IGF2BP2: variants seen among roughly 807,000 people sequenced by gnomAD.
IGF2BP2 encodes the protein insulin-like growth factor 2 mRNA-binding protein 2.
IGF2BP2 carries 17 observed loss-of-function variants against 75.8 expected under a neutral mutation model. The observed-to-expected ratio is 0.22, with a 90% CI of 0.15 to 0.34. The LOEUF is 0.34. Among genes scored for constraint, IGF2BP2 ranks in the 10% least tolerant of loss-of-function variants. The pLI is 1.00. For synonymous variants in IGF2BP2, 288 were observed against 295.6 expected, an observed-to-expected ratio of 0.97 and a Z score of 0.26; for missense variants, 516 against 772.4, an observed-to-expected ratio of 0.67 and a Z score of 3.93.
chr3:185,704,257 C>T (rs1426486758), intron 2 of IGF2BP2, among the ~76,000 whole-genome samples: 1 of 152,182 alleles, frequency 6.6e-6, no homozygotes, highest in African/African-American at 2.4e-5. Context: ...TCCCCTTTAG[C>T]GCTGCAGTCA....
intron 2 of IGF2BP2, among the ~76,000 whole-genome samples, chr3:185,754,801 A>G (rs1288487961): frequency 1.3e-5 from 2 of 152,210 alleles, no homozygotes; most frequent in Non-Finnish European, 2.9e-5. Flanking sequence ...TGAATTTAAG[A>G]GTGATGACAC....
intron 3 of IGF2BP2, 101 bp downstream of exon 3, chr3:185,698,198 C>T (rs952025403): frequency 1.1e-5 from 11 of 998,776 alleles, no homozygotes; most frequent in Non-Finnish European, 1.7e-5. Flanking sequence ...GACCCAGAAG[C>T]TTTGTGGGAA....
At chr3:185,683,472 A>G (rs1163283025) in intron 7 of IGF2BP2, among the ~76,000 whole-genome samples, 1 of 151,382 alleles carries the variant, frequency 6.6e-6, no homozygotes, top group African/African-American at 2.4e-5. Context: ...GCAGTGGTGC[A>G]CTCTCGGCTC....
chr3:185,749,451 C>T (rs143340111), intron 2 of IGF2BP2, among the ~76,000 whole-genome samples: 4 of 152,276 alleles, frequency 2.6e-5, no homozygotes, highest in African/African-American at 9.6e-5. Context: ...AGTCCAAGTT[C>T]AAACAAGCAA....
chr3:185,720,105 A>G (rs1341894677), intron 2 of IGF2BP2, among the ~76,000 whole-genome samples: 1 of 152,200 alleles, frequency 6.6e-6, no homozygotes, highest in Non-Finnish European at 1.5e-5. Context: ...GTGGGCACTG[A>G]GCGTAAAGCA....
chr3:185,796,948 T>A (rs1325379514), intron 2 of IGF2BP2, among the ~76,000 whole-genome samples: 1 of 152,102 alleles, frequency 6.6e-6, no homozygotes, highest in Admixed American at 6.6e-5. Flanking sequence ...AAAATGCACA[T>A]CAGATTCCAG....
chr3:185,653,484 G>A (rs949451168), intron 12 of IGF2BP2, among the ~76,000 whole-genome samples: 21 of 152,012 alleles, frequency 1.4e-4, no homozygotes, highest in Admixed American at 2.6e-4. Context: ...AGCCAGGAGT[G>A]GTGGCGCGTG....
chr3:185,801,410 A>T (rs1270786625), intron 2 of IGF2BP2, among the ~76,000 whole-genome samples: 1 of 148,174 alleles, frequency 6.7e-6, no homozygotes. Flanking sequence ...AATTGCTTGA[A>T]CCCAGGAGGC....
chr3:185,824,005 G>A (rs926682229), intron 1 of IGF2BP2, among the ~76,000 whole-genome samples: 4 of 152,162 alleles, frequency 2.6e-5, no homozygotes, highest in Admixed American at 2.6e-4. Flanking sequence ...GCTTCTGGCC[G>A]AGCGGGAGGC....
chr3:185,716,742 C>T (rs528345402), intron 2 of IGF2BP2: 1 of 519,972 alleles, frequency 1.9e-6, no homozygotes, highest in South Asian at 1.4e-5. Context: ...GCTGGCTGGT[C>T]ATCAGAATGG....
At chr3:185,757,661 C>T (rs766924695) in intron 2 of IGF2BP2, among the ~76,000 whole-genome samples, 4 of 151,926 alleles carry the variant, frequency 2.6e-5, no homozygotes, top group Admixed American at 6.6e-5. Context: ...GATGGGGTTT[C>T]GCCATGTTGC....
chr3:185,808,186 C>T (rs967834492), intron 2 of IGF2BP2, among the ~76,000 whole-genome samples: 2 of 151,214 alleles, frequency 1.3e-5, no homozygotes, highest in Non-Finnish European at 2.9e-5. Flanking sequence ...TTTTAAATTG[C>T]TAATAGAGGC....
chr3:185,656,817 T>G (rs1715512849), intron 12 of IGF2BP2, among the ~76,000 whole-genome samples: 2 of 152,234 alleles, frequency 1.3e-5, no homozygotes, highest in African/African-American at 4.8e-5. Context: ...TCAGGCTGGG[T>G]TGCATATCGG....
intron 2 of IGF2BP2, chr3:185,724,391 T>C (rs1261098490): frequency 2.0e-5 from 3 of 152,206 alleles, no homozygotes; most frequent in African/African-American, 7.2e-5. Flanking sequence ...CTAATAGGTT[T>C]TATAACTGCT....
At chr3:185,761,886 G>T (rs1732416131) in intron 2 of IGF2BP2, among the ~76,000 whole-genome samples, 3 of 152,194 alleles carry the variant, frequency 2.0e-5, no homozygotes, top group African/African-American at 7.2e-5. Context: ...GATCCAAGGG[G>T]GCACGGAGTG....
At chr3:185,771,214 C>A (rs1578248641) in intron 2 of IGF2BP2, among the ~76,000 whole-genome samples, 1 of 152,082 alleles carries the variant, frequency 6.6e-6, no homozygotes, top group Admixed American at 6.5e-5. Flanking sequence ...GCGAGTTGGG[C>A]CGATCACTTG....
intron 2 of IGF2BP2, among the ~76,000 whole-genome samples, chr3:185,724,198 A>T (rs1726990541): frequency 6.6e-6 from 1 of 152,218 alleles, no homozygotes; most frequent in Admixed American, 6.5e-5. Context: ...CTGAAGAGGC[A>T]GACACAGTCA....
In IGF2BP2 at chr3:185,751,702, C is replaced by T. The variant is rs145181866; in HGVS notation, c.240-53355G>A. ...TGAAGAGGACAGGCACAGTGGTTCACACCTGTAATCCCAGCACTTTGGGAG... is the reference window on the plus strand; with the variant it reads ...TGAAGAGGACAGGCACAGTGGTTCATACCTGTAATCCCAGCACTTTGGGAG... On this transcript the variant is annotated intron_variant, in intron 2 of 15. Transcript: ENST00000382199. 3.4e-3 allele frequency among the ~76,000 whole-genome samples: 515 copies of T among 150,012 alleles called. 4 individuals are homozygous for T. Among genetic ancestry groups the T allele is most frequent in the African/African-American group, 0.012 (486 of 40,738 alleles).
At chr3:185,790,735 A>G (rs1434451187) in intron 2 of IGF2BP2, among the ~76,000 whole-genome samples, 1 of 152,220 alleles carries the variant, frequency 6.6e-6, no homozygotes, top group Non-Finnish European at 1.5e-5. Flanking sequence ...CCACAAGGAA[A>G]CTTGATGTTT....
Sources: allele counts gnomAD v4.1 joint callset (sites outside exome capture counted in the v4.1 genomes callset), GRCh38; gene constraint gnomAD v4.1.1; transcripts MANE v1.5; gene names NCBI Gene and HGNC (gene_info 2026-07-23, HGNC 2026-07-21).